KCNQ1: variants seen among roughly 807,000 people sequenced by gnomAD.
The protein encoded by KCNQ1 is potassium voltage-gated channel subfamily KQT member 1.
A neutral mutation model predicts 72.4 loss-of-function variants in KCNQ1; 49 were observed. The observed-to-expected ratio is 0.68, with a 90% CI of 0.54 to 0.86. The LOEUF is 0.86. Ranked by LOEUF, KCNQ1 falls within the 40% of genes least tolerant of loss-of-function variation. The pLI, the probability that KCNQ1 is intolerant of heterozygous loss-of-function variation, is 0.00. For missense variants in KCNQ1, 790 were observed against 945.1 expected (o/e 0.84, Z 2.15); for synonymous variants, 450 against 412.6 (o/e 1.09, Z -1.10).
At position 2,671,677 on chromosome 11, in the gene KCNQ1, A is replaced by C. The variant is rs539089238; in HGVS notation, c.1514+9596A>C. The C allele has an allele frequency of 7.5e-6, 3 of 398,624 alleles. No individual in the cohort carries two copies. The highest frequency in any genetic ancestry group is 2.1e-5 in the African/African-American group (1 of 48,614). 24.7% of individuals were successfully genotyped at this position (398,624 alleles called of 1,614,324 possible). A position where few individuals can be genotyped will look rare whatever the true frequency, so the allele number is the denominator to read the frequency against. The stretch of plus-strand genomic sequence containing the variant: ...GAAACTGAGGCAGAGAGCAGGGGTG[A>C]CTTTGCAAGGCAATAGAGGGTACTT... On this transcript the variant is annotated intron_variant, in intron 11 of 15. Coordinates refer to ENST00000155840, the MANE Select transcript of KCNQ1 (RefSeq NM_000218.3). This position sits in a 1 kb window ranked among gnomAD's most constrained non-coding sequence, Gnocchi z 4.7.
Position 2,668,867 on chromosome 11 carries a change from CTT to C in KCNQ1, c.1514+6788_1514+6789del. ...GGCTGTTTGTGTCCTATTTAAGAAA[CTT>C]TGACTACTCCAAGGTCATAAAGATA... On this transcript the variant is annotated intron_variant, in intron 11 of 15. Coordinates refer to ENST00000155840, the MANE Select transcript of KCNQ1 (RefSeq NM_000218.3). The surrounding 1 kb of genome is among the most constrained non-coding windows in gnomAD (Gnocchi z 4.3). The C allele has an allele frequency of 5.0e-6, 2 of 398,588 alleles. No homozygotes were observed. Among genetic ancestry groups the C allele is most frequent in the Admixed American group, 4.4e-5 (1 of 22,738 alleles). 24.7% of individuals were successfully genotyped at this position (398,588 alleles called of 1,614,324 possible).
chr11:2,636,703 A>C (rs1849472692), intron 10 of KCNQ1: 1 of 152,200 alleles, frequency 6.6e-6, no homozygotes. Flanking sequence ...GCCTCATAAA[A>C]TGAGTTAGGG....
At position 2,565,306 on chromosome 11, in the gene KCNQ1, A is replaced by T. The variant is rs780873044; in HGVS notation, c.478-5322A>T. Among the ~76,000 whole-genome samples the T allele has an allele frequency of 6.6e-6, 1 of 152,102 alleles. No individual in the cohort carries two copies. The highest frequency in any genetic ancestry group is 1.5e-5 in the Non-Finnish European group (1 of 68,024). Reference sequence around the variant, plus strand: ...CACTTGTCACTCTGTTTGGGGTGGCAGCCACCCTAATGGATGAGAGGTGGC... The same window carrying T: ...CACTTGTCACTCTGTTTGGGGTGGCTGCCACCCTAATGGATGAGAGGTGGC... On this transcript the variant is annotated intron_variant, in intron 2 of 15. Transcript: ENST00000155840. This position sits in a 1 kb window ranked among gnomAD's most constrained non-coding sequence, Gnocchi z 5.6.
chr11:2,621,842 C>CT lies in KCNQ1; in HGVS notation c.1393+32994dup, dbSNP rs1849177523. On this transcript the variant is annotated intron_variant, in intron 10 of 15. Coordinates refer to ENST00000155840, the MANE Select transcript of KCNQ1 (RefSeq NM_000218.3). The surrounding 1 kb of genome is among the most constrained non-coding windows in gnomAD (Gnocchi z 5.7). ...AAAATTGAAGTCTTAGTTTTACTGA[C>CT]TTTTTTCCCCTATGGTTTTTCTTTC... 4.3e-5 allele frequency: 17 copies of CT among 398,224 alleles called. No individual in the cohort carries two copies. In the South Asian group the frequency reaches 1.9e-3, roughly 45 times the overall value. The allele number at this position is 398,224 out of a possible 1,614,324, so 24.7% of individuals were successfully genotyped here. A position where few individuals can be genotyped will look rare whatever the true frequency, so the allele number is the denominator to read the frequency against.
chr11:2,629,402 C>T (rs1041090786), intron 10 of KCNQ1: 2 of 398,274 alleles, frequency 5.0e-6, no homozygotes, highest in Admixed American at 4.4e-5. Flanking sequence ...GAAGTCAATA[C>T]CAAATCCAAT....
Position 2,663,944 on chromosome 11 carries a change from T to A in KCNQ1, c.1514+1863T>A, listed in dbSNP as rs182333458. On this transcript the variant is annotated intron_variant, in intron 11 of 15. Coordinates refer to ENST00000155840, the MANE Select transcript of KCNQ1 (RefSeq NM_000218.3). This position sits in a 1 kb window ranked among gnomAD's most constrained non-coding sequence, Gnocchi z 5.2. ...GGCTGTTTCTTGTTCCACTCCAGGA[T>A]GACAGGGCCTGAGAGACCTGAACAT... The A allele has an allele frequency of 2.5e-4, 98 of 398,708 alleles. No homozygotes were observed. In the Admixed American group the frequency reaches 3.6e-3, roughly 15 times the overall value. The allele number at this position is 398,708 out of a possible 1,614,324, so 24.7% of individuals were successfully genotyped here. A position where few individuals can be genotyped will look rare whatever the true frequency, so the allele number is the denominator to read the frequency against.
At position 2,475,516 on chromosome 11, in the gene KCNQ1, G is replaced by A. The variant is rs1846556786; in HGVS notation, c.386+30032G>A. On this transcript the variant is annotated intron_variant, in intron 1 of 15. Coordinates refer to ENST00000155840, the MANE Select transcript of KCNQ1 (RefSeq NM_000218.3). This position sits in a 1 kb window ranked among gnomAD's most constrained non-coding sequence, Gnocchi z 5.8. ...CCATCAAAATGAAAAAATGGCTAAA[G>A]ATTTTCAAGCACACACACCTAAAGA... Among the ~76,000 whole-genome samples the A allele has an allele frequency of 6.6e-6, 1 of 152,166 alleles. No individual in the cohort carries two copies.
chr11:2,664,574 G>A lies in KCNQ1; in HGVS notation c.1514+2493G>A, dbSNP rs74667646. 1.3e-5 allele frequency: 5 copies of A among 398,520 alleles called. No homozygotes were observed. Among genetic ancestry groups the A allele is most frequent in the African/African-American group, 6.2e-5 (3 of 48,612 alleles). The allele number at this position is 398,520 out of a possible 1,614,324, so 24.7% of individuals were successfully genotyped here. On this transcript the variant is annotated intron_variant, in intron 11 of 15. Transcript: ENST00000155840. This position sits in a 1 kb window ranked among gnomAD's most constrained non-coding sequence, Gnocchi z 5.1. Reference sequence around the variant, plus strand: ...TGGGGGCCGTGCAGGTCTTCTGCCCGCATTGGGGCTGCATTCCTCCACCTC... The same window carrying A: ...TGGGGGCCGTGCAGGTCTTCTGCCCACATTGGGGCTGCATTCCTCCACCTC...
rs1036349257 is a variant in KCNQ1 at position 2,752,975 on chromosome 11, G to A, written c.1515-15869G>A. ...TGGGCTTGAGGACCAGCACGGGATC[G>A]TTCTCCTCTGTGGGTCGCTGATATG... On this transcript the variant is annotated intron_variant, in intron 11 of 15. Coordinates refer to ENST00000155840, the MANE Select transcript of KCNQ1 (RefSeq NM_000218.3). The surrounding 1 kb of genome is among the most constrained non-coding windows in gnomAD (Gnocchi z 5.2). Among the ~76,000 whole-genome samples the A allele has an allele frequency of 2.0e-5, 3 of 152,168 alleles. No homozygotes were observed. Among genetic ancestry groups the A allele is most frequent in the Non-Finnish European group, 4.4e-5 (3 of 68,038 alleles).
In KCNQ1 at chr11:2,447,102, C is replaced by T. The variant is rs909142779; in HGVS notation, c.386+1618C>T. Reference sequence around the variant, plus strand: ...ATTCAGGTTTGTGGACACATGCCTCCGGGCTCACTGCAGCCACCCGTGTGG... The same window carrying T: ...ATTCAGGTTTGTGGACACATGCCTCTGGGCTCACTGCAGCCACCCGTGTGG... On this transcript the variant is annotated intron_variant, in intron 1 of 15. Coordinates refer to ENST00000155840, the MANE Select transcript of KCNQ1 (RefSeq NM_000218.3). The surrounding 1 kb of genome is among the most constrained non-coding windows in gnomAD (Gnocchi z 7.6). Among the ~76,000 whole-genome samples the T allele has an allele frequency of 5.3e-5, 8 of 152,202 alleles. No individual in the cohort carries two copies. The highest frequency in any genetic ancestry group is 1.9e-4 in the East Asian group (1 of 5,190).
intron 2 of KCNQ1, 32 bp downstream of exon 2, chr11:2,528,050 C>A (rs779479381): frequency 7.7e-6 from 12 of 1,561,518 alleles, no homozygotes; most frequent in Admixed American, 1.7e-5. Context: ...GGCTGGATGT[C>A]ATGGCTGCCT....
chr11:2,586,113 G>A (rs965308635), intron 8 of KCNQ1, among the ~76,000 whole-genome samples: 1 of 152,212 alleles, frequency 6.6e-6, no homozygotes, highest in African/African-American at 2.4e-5. Flanking sequence ...AATGACAAGT[G>A]CCCACTGGGG....
intron 15 of KCNQ1, among the ~76,000 whole-genome samples, chr11:2,794,975 C>T (rs897964548): frequency 3.3e-5 from 5 of 152,176 alleles, no homozygotes; most frequent in Middle Eastern, 3.2e-3. Context: ...AGAAGCTGTG[C>T]GGGGAGGAAG....
At chr11:2,568,977 C>T (rs930628420) in intron 2 of KCNQ1, among the ~76,000 whole-genome samples, 13 of 151,010 alleles carry the variant, frequency 8.6e-5, no homozygotes, top group African/African-American at 4.9e-5. Context: ...CTCTGCCTCT[C>T]GAGTTCAAGC....
In KCNQ1 at chr11:2,477,389, T is replaced by C. The variant is rs1031381556; in HGVS notation, c.386+31905T>C. 1.3e-5 allele frequency among the ~76,000 whole-genome samples: 2 copies of C among 152,224 alleles called. No homozygotes were observed. The highest frequency in any genetic ancestry group is 1.3e-4 in the Admixed American group (2 of 15,286). On this transcript the variant is annotated intron_variant, in intron 1 of 15. Coordinates refer to ENST00000155840, the MANE Select transcript of KCNQ1 (RefSeq NM_000218.3). The surrounding 1 kb of genome is among the most constrained non-coding windows in gnomAD (Gnocchi z 5.0). ...CTCCAGCCCACGGTGACCTAGGTTC[T>C]TCCCACCATTGAATTAGGATGCCGT...
intron 11 of KCNQ1, among the ~76,000 whole-genome samples, chr11:2,732,536 C>T (rs1468357979): frequency 1.3e-5 from 2 of 152,164 alleles, no homozygotes; most frequent in Admixed American, 6.5e-5. Flanking sequence ...TGGATGCAGC[C>T]GGGCAGTGAG....
chr11:2,719,170 T>C (rs576115202), intron 11 of KCNQ1, among the ~76,000 whole-genome samples: 12 of 770 alleles, frequency 0.016, no homozygotes, highest in Middle Eastern at 0.25. Flanking sequence ...TTCTTGTCTC[T>C]CATTGGGGGT....
rs1846880425 is a variant in KCNQ1, at chr11:2,784,658, T to C, written c.1794+6621T>C. Among the ~76,000 whole-genome samples, 1 of 151,974 alleles carries C rather than the reference T, an allele frequency of 6.6e-6. No individual in the cohort carries two copies. Among genetic ancestry groups the C allele is most frequent in the South Asian group, 2.1e-4 (1 of 4,836 alleles). On this transcript the variant is annotated intron_variant, in intron 15 of 15. Transcript: ENST00000155840. The surrounding 1 kb of genome is among the most constrained non-coding windows in gnomAD (Gnocchi z 4.7). ...TAACAAAATTGAGTATTGTAATCAA[T>C]GAACATGGTATATCCCTCCATTTAT...
At chr11:2,728,726 G>A (rs1040337311) in intron 11 of KCNQ1, among the ~76,000 whole-genome samples, 1 of 152,178 alleles carries the variant, frequency 6.6e-6, no homozygotes, top group African/African-American at 2.4e-5. Context: ...GTCCCTGAGG[G>A]CTCCAGCTGC....
Sources: allele counts gnomAD v4.1 joint callset (sites outside exome capture counted in the v4.1 genomes callset), GRCh38; gene constraint gnomAD v4.1.1; non-coding constraint Gnocchi (gnomAD v3.1); transcripts MANE v1.5; gene names NCBI Gene and HGNC (gene_info 2026-07-23, HGNC 2026-07-21).